Variants in RSRC1 observed in about 807,000 individuals in gnomAD.
RSRC1 encodes the protein serine/Arginine-related protein 53.
A neutral mutation model predicts 49.1 loss-of-function variants in RSRC1; 39 were observed. That is an observed-to-expected ratio of 0.79 (90% CI 0.61 to 1.04). RSRC1 has a LOEUF of 1.04. Ranked by LOEUF, RSRC1 falls within the 50% of genes least tolerant of loss-of-function variation. The pLI is 0.00. For synonymous variants in RSRC1, 143 were observed against 130.8 expected, an observed-to-expected ratio of 1.09 and a Z score of -0.63; for missense variants, 388 against 402.4, an observed-to-expected ratio of 0.96 and a Z score of 0.31.
rs568282191 is a variant in RSRC1, at chr3:158,191,596, C to T, written c.321-11476C>T. Among the ~76,000 whole-genome samples the T allele has an allele frequency of 2.8e-4, 43 of 151,980 alleles. 1 individual carries two copies. In the South Asian group the frequency reaches 8.7e-3, roughly 31 times the overall value. On this transcript the variant is annotated intron_variant, in intron 3 of 9. Transcript: ENST00000611884. ...TTATCTGGTATAATAGGACATCTTGCTATCCATTTATTGCTTATATATTGG... is the reference window on the plus strand; with the variant it reads ...TTATCTGGTATAATAGGACATCTTGTTATCCATTTATTGCTTATATATTGG...
chr3:158,430,761 T>C (rs1560039857), intron 6 of RSRC1, among the ~76,000 whole-genome samples: 2 of 151,936 alleles, frequency 1.3e-5, no homozygotes, highest in Non-Finnish European at 2.9e-5. Flanking sequence ...ATTATAACTG[T>C]ATTACCTACC....
At chr3:158,416,042 A>G (rs1734720645) in intron 6 of RSRC1, among the ~76,000 whole-genome samples, 1 of 152,030 alleles carries the variant, frequency 6.6e-6, no homozygotes, top group Admixed American at 6.6e-5. Context: ...AGAGGGTATA[A>G]CACATACTTG....
At chr3:158,143,879 G>A (rs1372989930) in intron 3 of RSRC1, among the ~76,000 whole-genome samples, 1 of 152,104 alleles carries the variant, frequency 6.6e-6, no homozygotes, top group African/African-American at 2.4e-5. Context: ...AATGGTAAAT[G>A]TCTGCTACTA....
intron 6 of RSRC1, among the ~76,000 whole-genome samples, chr3:158,377,929 G>A (rs923806760): frequency 3.3e-5 from 5 of 152,178 alleles, no homozygotes; most frequent in Admixed American, 2.0e-4. Context: ...TCAAAGTGCC[G>A]GGATTACAGG....
chr3:158,426,814 T>G (rs958643442), intron 6 of RSRC1, among the ~76,000 whole-genome samples: 1 of 151,706 alleles, frequency 6.6e-6, no homozygotes, highest in African/African-American at 2.4e-5. Context: ...AAAAAAATTG[T>G]GTTTAAAGAA....
intron 6 of RSRC1, among the ~76,000 whole-genome samples, chr3:158,360,005 G>A (rs1484356133): frequency 6.6e-6 from 1 of 152,038 alleles, no homozygotes; most frequent in Non-Finnish European, 1.5e-5. Context: ...GTACCAACAA[G>A]TGTTCAGTTC....
intron 7 of RSRC1, among the ~76,000 whole-genome samples, chr3:158,462,143 G>A (rs1415013959): frequency 3.3e-5 from 5 of 151,510 alleles, no homozygotes; most frequent in East Asian, 3.9e-4. Flanking sequence ...GCTCTTTTCC[G>A]GGATCAACTA....
intron 5 of RSRC1, among the ~76,000 whole-genome samples, chr3:158,334,148 A>T (rs1260645959): frequency 1.3e-5 from 2 of 152,208 alleles, no homozygotes; most frequent in Non-Finnish European, 2.9e-5. Flanking sequence ...AAATAAAAGA[A>T]GATACTAAAG....
At chr3:158,531,835 T>G (rs1380872021) in intron 7 of RSRC1, among the ~76,000 whole-genome samples, 3 of 151,950 alleles carry the variant, frequency 2.0e-5, no homozygotes, top group Non-Finnish European at 4.4e-5. Context: ...GAAACCTGTG[T>G]TCATGAGAAA....
chr3:158,342,330 C>G (rs919740531), intron 5 of RSRC1, among the ~76,000 whole-genome samples: 1 of 152,136 alleles, frequency 6.6e-6, no homozygotes, highest in Non-Finnish European at 1.5e-5. Flanking sequence ...TGGAGAGAGC[C>G]TGGCGGAGGT....
chr3:158,408,283 G>A (rs1324813585), intron 6 of RSRC1, among the ~76,000 whole-genome samples: 1 of 152,140 alleles, frequency 6.6e-6, no homozygotes, highest in Non-Finnish European at 1.5e-5. Flanking sequence ...GAGACATATG[G>A]AAAATATAGC....
intron 5 of RSRC1, among the ~76,000 whole-genome samples, chr3:158,346,760 A>G (rs73874380): frequency 0.073 from 11,154 of 152,292 alleles, 478 homozygotes; most frequent in South Asian, 0.13. Context: ...AGCCATTTCA[A>G]TTATAGATAT....
In RSRC1 at chr3:158,312,593, A is replaced by T. The variant is rs10513526; in HGVS notation, c.531+14518A>T. ...TGAAAGAATAAAGATTGGATGGATA[A>T]CAGCAGGACAGCAACTTACTTTATG... On this transcript the variant is annotated intron_variant, in intron 5 of 9. Coordinates refer to ENST00000611884, the MANE Select transcript of RSRC1 (RefSeq NM_001271838.2). Among the ~76,000 whole-genome samples, 1,354 of 152,256 alleles carry T rather than the reference A, an allele frequency of 8.9e-3. 22 individuals are homozygous for T. Among genetic ancestry groups the T allele is most frequent in the African/African-American group, 0.032 (1,317 of 41,552 alleles).
chr3:158,141,831 C>T lies in RSRC1; in HGVS notation c.320+17840C>T, dbSNP rs538923334. ...AAGATTTCTCGGCCAGGCGTGGTGG[C>T]TCATGCCTGTAATCCCAGCACTTTG... On this transcript the variant is annotated intron_variant, in intron 3 of 9. Transcript: ENST00000611884. Among the ~76,000 whole-genome samples, 16 of 152,252 alleles carry T rather than the reference C, an allele frequency of 1.1e-4. No homozygotes were observed. In the East Asian group the frequency reaches 1.5e-3, roughly 15 times the overall value.
At chr3:158,328,081 C>T (rs1167902428) in intron 5 of RSRC1, among the ~76,000 whole-genome samples, 1 of 152,044 alleles carries the variant, frequency 6.6e-6, no homozygotes. Context: ...TTTCCATTTG[C>T]TTGGTAGATC....
intron 5 of RSRC1, among the ~76,000 whole-genome samples, chr3:158,350,393 C>T (rs891781638): frequency 6.6e-6 from 1 of 151,002 alleles, no homozygotes; most frequent in African/African-American, 2.4e-5. Flanking sequence ...AGGCTGGTCT[C>T]GAACTTGTGA....
chr3:158,538,562 A>G (rs1045105980), intron 8 of RSRC1, among the ~76,000 whole-genome samples: 2 of 151,974 alleles, frequency 1.3e-5, no homozygotes, highest in Admixed American at 1.3e-4. Flanking sequence ...CTCTTATGAT[A>G]AACTAGCATT....
intron 7 of RSRC1, among the ~76,000 whole-genome samples, chr3:158,526,423 CCAAAAATTAGGAT>C (rs1281810679): frequency 3.3e-5 from 5 of 151,902 alleles, no homozygotes; most frequent in African/African-American, 9.7e-5. Context: ...TTACGTATTA[CCAAAAATTAGGAT>C]CAAGTGAAAC....
chr3:158,497,961 CTTG>C (rs1472266612), intron 7 of RSRC1, among the ~76,000 whole-genome samples: 8 of 152,124 alleles, frequency 5.3e-5, no homozygotes, highest in Admixed American at 5.2e-4. Context: ...TATTTATCCA[CTTG>C]TTGATTGATG....
Sources: allele counts gnomAD v4.1 joint callset (sites outside exome capture counted in the v4.1 genomes callset), GRCh38; gene constraint gnomAD v4.1.1; transcripts MANE v1.5; gene names NCBI Gene and HGNC (gene_info 2026-07-23, HGNC 2026-07-21).